The following MTMR3 variants were observed in gnomAD, a reference collection of about 807,000 sequenced individuals.
MTMR3 encodes phosphatidylinositol-3,5-bisphosphate 3-phosphatase MTMR3.
In MTMR3, 32 loss-of-function variants were observed where a neutral mutation model predicts 132.4. That is an observed-to-expected ratio of 0.24 (90% CI 0.18 to 0.32). The LOEUF is 0.32. MTMR3 is among the 10% of genes least tolerant of loss of function. The pLI is 1.00. For synonymous variants in MTMR3, 556 were observed against 550.3 expected, an observed-to-expected ratio of 1.01 and a Z score of -0.14; for missense variants, 1,216 against 1,489.6, an observed-to-expected ratio of 0.82 and a Z score of 3.02.
intron 5 of MTMR3, chr22:29,982,933 T>TGTGTGTG (rs1555911365): frequency 1.8e-5 from 2 of 108,418 alleles, no homozygotes; most frequent in African/African-American, 9.2e-5. Flanking sequence ...GTTTAAAAGT[T>TGTGTGTG]TGTTTGTGTG....
At chr22:30,022,180 TG>T in intron 18 of MTMR3, 41 bp downstream of exon 18, 1 of 1,505,186 alleles carries the variant, frequency 6.6e-7, no homozygotes, top group South Asian at 1.1e-5. Flanking sequence ...TCAATTTAAC[TG>T]TTTTGTGGTT....
chr22:29,951,732 A>G (rs1302873105), intron 1 of MTMR3, among the ~76,000 whole-genome samples: 3 of 152,174 alleles, frequency 2.0e-5, no homozygotes, highest in African/African-American at 4.8e-5. Context: ...AATTTATGTA[A>G]ATGAAGAATA....
At position 30,003,188 on chromosome 22, in the gene MTMR3, G is replaced by A. The variant is rs1019363579; in HGVS notation, c.671+195G>A. ...ACTGACTGCATTCAGAACACTAGCTGGTTGTTCATTTGAAACAGATAAGAA... is the reference window on the plus strand; with the variant it reads ...ACTGACTGCATTCAGAACACTAGCTAGTTGTTCATTTGAAACAGATAAGAA... On this transcript the variant is annotated intron_variant, in intron 9 of 19. Transcript: ENST00000401950. The A allele has an allele frequency of 1.8e-5, 8 of 435,618 alleles. No individual in the cohort carries two copies. The Admixed American group carries it at 1.9e-4, about 10-fold the overall frequency. The allele number at this position is 435,618 out of a possible 1,614,324, so 27.0% of individuals were successfully genotyped here.
intron 2 of MTMR3, among the ~76,000 whole-genome samples, chr22:29,962,913 T>TTC (rs1555907209): frequency 2.0e-5 from 3 of 146,868 alleles, no homozygotes; most frequent in Non-Finnish European, 3.0e-5. Context: ...CTTTTTTCTT[T>TTC]TTTTTTTTTT....
intron 1 of MTMR3, among the ~76,000 whole-genome samples, chr22:29,938,150 T>C (rs2065786456): frequency 6.6e-6 from 1 of 152,048 alleles, no homozygotes; most frequent in Admixed American, 6.5e-5. Context: ...ACCAGCACCA[T>C]GCAGTTCCAG....
Position 30,019,624 on chromosome 22 carries a change from C to A in MTMR3, c.1965C>A (p.Gly655=), listed in dbSNP as rs773934215. The A allele has an allele frequency of 2.5e-6, 4 of 1,614,018 alleles. No individual in the cohort carries two copies. The African/African-American group carries it at 5.3e-5, about 22-fold the overall frequency. The change falls in exon 17 of 20, where the codon GGC becomes GGA. Residue 655 remains glycine, a synonymous_variant. Coordinates refer to ENST00000401950, the MANE Select transcript of MTMR3 (RefSeq NM_021090.4). ...CACTAGAGCTGAGCAGCCTGGCTGGCCCTGGAGAGGATCCCCTTTCTGCCG... is the reference window on the plus strand; with the variant it reads ...CACTAGAGCTGAGCAGCCTGGCTGGACCTGGAGAGGATCCCCTTTCTGCCG... The part of the protein sequence containing the change: ...RRSLELSSLA[G]PGEDPLSADS...
At chr22:29,992,400 C>G (rs1037148479) in intron 7 of MTMR3, 43 of 152,248 alleles carry the variant, frequency 2.8e-4, no homozygotes, top group Non-Finnish European at 4.4e-5. Flanking sequence ...ACCCCCTCCC[C>G]CCCAAAAAAA....
At chr22:29,928,991 C>T (rs2065585027) in intron 1 of MTMR3, among the ~76,000 whole-genome samples, 1 of 152,040 alleles carries the variant, frequency 6.6e-6, no homozygotes, top group Non-Finnish European at 1.5e-5. Flanking sequence ...TACAATTGCT[C>T]ACTTTTGGCT....
intron 1 of MTMR3, among the ~76,000 whole-genome samples, chr22:29,954,350 A>G (rs944866938): frequency 3.9e-5 from 6 of 152,014 alleles, no homozygotes; most frequent in African/African-American, 1.5e-4. Context: ...TCGGCCTCCC[A>G]GAGTGCTAAG....
intron 7 of MTMR3, chr22:29,995,672 C>T (rs2067046573): frequency 6.6e-6 from 1 of 152,126 alleles, no homozygotes; most frequent in Non-Finnish European, 1.5e-5. Flanking sequence ...AACCTTATAG[C>T]CCCAGTATTT....
At position 29,921,714 on chromosome 22, in the gene MTMR3, A is replaced by ATTCTATT. The variant is rs541947347; in HGVS notation, c.-137-35315_-137-35309dup. On this transcript the variant is annotated intron_variant, in intron 1 of 19. Coordinates refer to ENST00000401950, the MANE Select transcript of MTMR3 (RefSeq NM_021090.4). ...CTCTTCCTAGTCCTTGGCAATTACC[A>ATTCTATT]TTCTATTTTCTATCTTTGTGAATTT... Among the ~76,000 whole-genome samples the ATTCTATT allele has an allele frequency of 4.4e-3, 675 of 152,160 alleles. 6 individuals are homozygous for ATTCTATT. The highest frequency in any genetic ancestry group is 0.015 in the African/African-American group (637 of 41,504).
chr22:29,887,152 A>C (rs1259167695), intron 1 of MTMR3, among the ~76,000 whole-genome samples: 1 of 152,108 alleles, frequency 6.6e-6, no homozygotes, highest in Non-Finnish European at 1.5e-5. Flanking sequence ...ATACCTTTTA[A>C]GTTCATATTT....
intron 1 of MTMR3, among the ~76,000 whole-genome samples, chr22:29,946,358 A>C (rs1273416466): frequency 6.6e-6 from 1 of 152,114 alleles, no homozygotes; most frequent in Non-Finnish European, 1.5e-5. Flanking sequence ...GAGATCTGGT[A>C]ATCTGTGGTC....
intron 9 of MTMR3, 148 bp downstream of exon 9, chr22:30,003,141 TCTC>T (rs558625734): frequency 1.2e-5 from 7 of 598,658 alleles, no homozygotes; most frequent in African/African-American, 5.5e-5. Flanking sequence ...TGTTAAAGCT[TCTC>T]CTCCAGTAAC....
Position 29,978,469 on chromosome 22 carries a change from T to A in MTMR3, c.31T>A (p.Cys11Ser). 1 of 1,613,750 alleles carries A rather than the reference T, an allele frequency of 6.2e-7. No individual in the cohort carries two copies. The stretch of plus-strand genomic sequence containing the variant: ...TGAAGAGACTCGGCACAGCCTTGAG[T>A]GCATCCAGGCCAATCAGATCTTTCC... MDEETRHSLE[C>S]IQANQIFPRK... Residue 11 changes from cysteine (C) to serine (S), a missense_variant, in exon 4 of 20, where the codon TGC (cysteine) becomes AGC (serine). Cys to Ser is a moderately radical substitution (Grantham distance 112). Coordinates refer to ENST00000401950, the MANE Select transcript of MTMR3 (RefSeq NM_021090.4).
intron 1 of MTMR3, among the ~76,000 whole-genome samples, chr22:29,950,076 A>G (rs1456235295): frequency 6.6e-6 from 1 of 152,208 alleles, no homozygotes; most frequent in African/African-American, 2.4e-5. Flanking sequence ...AATTTCCCAA[A>G]GGTAGACCTT....
In MTMR3 at chr22:30,022,041, G is replaced by T; in HGVS notation, c.3238G>T (p.Asp1080Tyr). 1.9e-6 allele frequency: 3 copies of T among 1,614,036 alleles called. No individual in the cohort carries two copies. The highest frequency in any genetic ancestry group is 2.5e-6 in the Non-Finnish European group (3 of 1,179,946). The change falls in exon 18 of 20, where the codon GAC (aspartate) becomes TAC (tyrosine). Residue 1080 changes from aspartate (D) to tyrosine (Y), a missense_variant. Physicochemically the swap from Asp to Tyr is radical, Grantham distance 160. Transcript: ENST00000401950. Reference sequence around the variant, plus strand: ...TGTTTGCCAACAGACTTCAATCCCCGACTCGGAAAGCAATCTGGATCAGAA... The same window carrying T: ...TGTTTGCCAACAGACTTCAATCCCCTACTCGGAAAGCAATCTGGATCAGAA... ...DFGDEVTSIP[D>Y]SESNLDQNCL...
At chr22:29,986,434 TA>T in intron 5 of MTMR3, 1 of 433,668 alleles carries the variant, frequency 2.3e-6, no homozygotes, top group Non-Finnish European at 3.1e-6. Flanking sequence ...AGTTATCTTC[TA>T]ATCTGTCTTC....
intron 1 of MTMR3, 82 bp from the exon 2 acceptor site, chr22:29,956,954 A>G (rs1258042316): frequency 2.0e-5 from 3 of 152,310 alleles, no homozygotes; most frequent in Non-Finnish European, 4.4e-5. Flanking sequence ...TGGTAGAGAA[A>G]GGTCTTGTGG....
Sources: allele counts gnomAD v4.1 joint callset (sites outside exome capture counted in the v4.1 genomes callset), GRCh38; gene constraint gnomAD v4.1.1; transcripts MANE v1.5; gene names NCBI Gene and HGNC (gene_info 2026-07-23, HGNC 2026-07-21).